SGO2: variants seen among roughly 807,000 people sequenced by gnomAD.
The protein encoded by SGO2 is shugoshin-like 2.
A neutral mutation model predicts 99.5 loss-of-function variants in SGO2; 68 were observed. The observed-to-expected ratio is 0.68, with a 90% confidence interval of 0.56 to 0.84. The LOEUF (loss-of-function observed/expected upper bound fraction) is 0.84, where lower values mean the gene tolerates loss of function less well. Ranked by LOEUF, SGO2 falls within the 40% of genes least tolerant of loss-of-function variation. SGO2 has a pLI of 0.00. For missense variants in SGO2, 1,350 were observed against 1,436.7 expected, an observed-to-expected ratio of 0.94 and a Z score of 0.97; for synonymous variants, 457 against 487.1, an observed-to-expected ratio of 0.94 and a Z score of 0.81.
intron 3 of SGO2, 45 bp downstream of exon 3, chr2:200,535,216 CT>C: frequency 1.5e-6 from 2 of 1,375,454 alleles, no homozygotes; most frequent in South Asian, 3.6e-5. Flanking sequence ...TAACTTAAAT[CT>C]TTTAGCTGCA....
rs1047147360 is a variant in SGO2 at position 200,583,911 on chromosome 2, C to T, written c.*447C>T. The T allele has an allele frequency of 2.6e-5, 4 of 152,442 alleles. No homozygotes were observed. Among genetic ancestry groups the T allele is most frequent in the African/African-American group, 9.6e-5 (4 of 41,460 alleles). The allele number at this position is 152,442 out of a possible 1,614,324, so 9.4% of individuals were successfully genotyped here. A position where few individuals can be genotyped will look rare whatever the true frequency, so the allele number is the denominator to read the frequency against. On this transcript the variant is annotated 3_prime_UTR_variant, in exon 9 of 9. Transcript: ENST00000357799. ...TGCCCTGGCCCGTTTTCTCTCCCTT[C>T]ATTCTTCTGTTTTCAGAAATACATG...
chr2:200,558,269 G>A (rs1197068567), intron 5 of SGO2, among the ~76,000 whole-genome samples: 1 of 152,022 alleles, frequency 6.6e-6, no homozygotes, highest in Non-Finnish European at 1.5e-5. Context: ...CTGCTCTTGG[G>A]TTTTTGTAGA....
intron 5 of SGO2, 133 bp from the exon 6 acceptor site, chr2:200,569,530 C>T: frequency 1.5e-6 from 1 of 656,394 alleles, no homozygotes; most frequent in East Asian, 2.8e-5. Flanking sequence ...CTTTAAGTGT[C>T]TTCATTGAAC....
At chr2:200,566,241 G>A (rs2033183130) in intron 5 of SGO2, among the ~76,000 whole-genome samples, 1 of 152,136 alleles carries the variant, frequency 6.6e-6, no homozygotes, top group Admixed American at 6.5e-5. Context: ...ACGTACAGAT[G>A]GGGTTTTGGT....
chr2:200,580,631 A>C, intron 8 of SGO2: 1 of 283,966 alleles, frequency 3.5e-6, no homozygotes, highest in South Asian at 3.0e-5. Context: ...CAAGAGTCGG[A>C]GACCAGCCTG....
At chr2:200,575,235 C>T in intron 7 of SGO2, 76 bp from the exon 8 acceptor site, 1 of 818,796 alleles carries the variant, frequency 1.2e-6, no homozygotes, top group African/African-American at 1.7e-5. Flanking sequence ...GATTTGCAGA[C>T]CACTATATAG....
At chr2:200,564,533 T>G (rs6751873) in intron 5 of SGO2, among the ~76,000 whole-genome samples, 38,288 of 152,044 alleles carry the variant, frequency 0.25, 4,954 homozygotes, top group South Asian at 0.33. Context: ...AAAATATATA[T>G]TCTGTTGATT....
intron 5 of SGO2, 54 bp downstream of exon 5, chr2:200,542,718 C>A: frequency 7.0e-7 from 1 of 1,437,080 alleles, no homozygotes; most frequent in East Asian, 2.3e-5. Flanking sequence ...TTATATAACA[C>A]AATTAGTGTT....
intron 5 of SGO2, among the ~76,000 whole-genome samples, chr2:200,564,623 T>C (rs1202239621): frequency 6.6e-6 from 1 of 152,186 alleles, no homozygotes; most frequent in Non-Finnish European, 1.5e-5. Flanking sequence ...CCTTGTTAAT[T>C]TTCTGTCTCA....
intron 8 of SGO2, among the ~76,000 whole-genome samples, chr2:200,579,850 G>A (rs1430627905): frequency 6.6e-6 from 1 of 151,930 alleles, no homozygotes; most frequent in African/African-American, 2.4e-5. Context: ...TCTGGCCTAG[G>A]TATCATATTA....
intron 1 of SGO2, chr2:200,532,368 T>C: frequency 1.0e-6 from 1 of 981,832 alleles, no homozygotes; most frequent in Non-Finnish European, 1.2e-6. Flanking sequence ...TGGTCTTACA[T>C]GGCTCAACAT....
intron 5 of SGO2, among the ~76,000 whole-genome samples, chr2:200,548,700 A>G (rs1322822617): frequency 3.3e-5 from 5 of 152,118 alleles, no homozygotes; most frequent in Admixed American, 3.3e-4. Context: ...ACATTGACAA[A>G]CCTTTAGCTA....
intron 5 of SGO2, among the ~76,000 whole-genome samples, chr2:200,547,145 A>G (rs564693175): frequency 6.6e-6 from 1 of 151,980 alleles, no homozygotes; most frequent in East Asian, 1.9e-4. Context: ...AGCAAATAAC[A>G]CAAAGGAGCT....
intron 5 of SGO2, among the ~76,000 whole-genome samples, chr2:200,561,206 A>C (rs13022577): frequency 0.79 from 120,502 of 152,048 alleles, 47,994 homozygotes; most frequent in Non-Finnish European, 0.83. Flanking sequence ...GCCCCCACCC[A>C]ACGACAGGCC....
At chr2:200,569,586 A>G (rs977633415) in intron 5 of SGO2, 77 bp from the exon 6 acceptor site, 2 of 1,052,976 alleles carry the variant, frequency 1.9e-6, no homozygotes, top group African/African-American at 1.6e-5. Flanking sequence ...TAAATAGAAT[A>G]TAGAAATAAC....
chr2:200,533,876 C>T (rs1272595166), intron 2 of SGO2, among the ~76,000 whole-genome samples: 1 of 152,168 alleles, frequency 6.6e-6, no homozygotes, highest in Admixed American at 6.5e-5. Context: ...CCACTCCTTA[C>T]ACTGGCTCTT....
chr2:200,532,369 G>A, intron 1 of SGO2: 1 of 979,914 alleles, frequency 1.0e-6, no homozygotes, highest in Non-Finnish European at 1.2e-6. Flanking sequence ...GGTCTTACAT[G>A]GCTCAACATC....
At chr2:200,567,250 G>A (rs1438945619) in intron 5 of SGO2, among the ~76,000 whole-genome samples, 1 of 152,270 alleles carries the variant, frequency 6.6e-6, no homozygotes, top group Middle Eastern at 3.4e-3. Flanking sequence ...TCTGTAGTGA[G>A]AACCTTTCTT....
intron 5 of SGO2, among the ~76,000 whole-genome samples, chr2:200,566,704 G>A (rs1024356841): frequency 3.3e-5 from 5 of 152,136 alleles, no homozygotes; most frequent in East Asian, 3.9e-4. Context: ...TCCTTGAGCC[G>A]CAGGGTGCTC....
Sources: gnomAD v4.1 joint callset for allele counts (sites outside exome capture counted in the v4.1 genomes callset) on GRCh38, gnomAD v4.1.1 for gene constraint, MANE v1.5 for transcripts, NCBI Gene and HGNC (gene_info 2026-07-23, HGNC 2026-07-21) for gene names.